AHCTF1: variants seen among roughly 807,000 people sequenced by gnomAD.
The protein encoded by AHCTF1 is protein ELYS.
In AHCTF1, 24 loss-of-function variants were observed where a neutral mutation model predicts 248.4. The observed-to-expected ratio is 0.10, with a 90% CI of 0.07 to 0.14. The LOEUF (loss-of-function observed/expected upper bound fraction) is 0.14, where lower values mean the gene tolerates loss of function less well. Ranked by LOEUF, AHCTF1 falls within the 10% of genes least tolerant of loss-of-function variation. AHCTF1 has a pLI of 1.00. For missense variants in AHCTF1, 2,206 were observed against 2,636.2 expected, an observed-to-expected ratio of 0.84 and a Z score of 3.57; for synonymous variants, 786 against 929.8, an observed-to-expected ratio of 0.85 and a Z score of 2.81.
intron 26 of AHCTF1, among the ~76,000 whole-genome samples, chr1:246,865,914 T>C (rs1309182710): frequency 6.6e-6 from 1 of 152,186 alleles, no homozygotes; most frequent in Non-Finnish European, 1.5e-5. Flanking sequence ...ATAGTGGTAT[T>C]TAAAAAATTG....
intron 16 of AHCTF1, among the ~76,000 whole-genome samples, chr1:246,890,559 G>GAA (rs1218428131): frequency 6.6e-6 from 1 of 151,970 alleles, no homozygotes; most frequent in East Asian, 1.9e-4. Context: ...CTAGATAAAA[G>GAA]GGGGTATTTA....
chr1:246,857,082 T>C (rs1382979597), intron 30 of AHCTF1, among the ~76,000 whole-genome samples: 5 of 152,192 alleles, frequency 3.3e-5, no homozygotes, highest in South Asian at 2.1e-4. Context: ...TCACTAATCA[T>C]ACTGATTAGT....
chr1:246,849,683 G>A lies in AHCTF1; in HGVS notation c.6323C>T (p.Pro2108Leu), dbSNP rs546280276. ...CTCATTGTTTGGTTCAGAAAGGTCC[G>A]GCAACAAGATGGCCTTGCTAGACCG... is the stretch of plus-strand genomic sequence containing the variant. ...RTRSSKAILL[P>L]DLSEPNNEPL... The change falls in exon 33 of 36, where the codon CCG becomes CTG. Residue 2108 changes from proline to leucine, a missense_variant. Coordinates refer to ENST00000648844, the MANE Select transcript of AHCTF1 (RefSeq NM_001323342.2). The A allele has an allele frequency of 1.7e-5, 28 of 1,613,926 alleles. No individual in the cohort carries two copies. Among genetic ancestry groups the A allele is most frequent in the Admixed American group, 3.3e-5 (2 of 60,008 alleles).
chr1:246,862,181 C>G, intron 27 of AHCTF1, 28 bp from the exon 28 acceptor site: 1 of 1,571,310 alleles, frequency 6.4e-7, no homozygotes, highest in Non-Finnish European at 8.7e-7. Flanking sequence ...TGGAATTACA[C>G]CATTAAAAGT....
chr1:246,918,569 G>A (rs922199242), intron 1 of AHCTF1, among the ~76,000 whole-genome samples, 192 bp from the exon 2 acceptor site: 11 of 152,272 alleles, frequency 7.2e-5, no homozygotes, highest in African/African-American at 2.7e-4. Flanking sequence ...GGCTGAGGCA[G>A]GCGGATGAAC....
intron 1 of AHCTF1, among the ~76,000 whole-genome samples, chr1:246,928,286 G>C (rs1026675272): frequency 7.3e-6 from 1 of 137,644 alleles, no homozygotes; most frequent in African/African-American, 2.8e-5. Flanking sequence ...CTGGGCGACA[G>C]AGCGAGACTC....
Position 246,869,167 on chromosome 1 carries a change from T to C in AHCTF1, c.3089-1356A>G, listed in dbSNP as rs1031886000. On this transcript the variant is annotated intron_variant, in intron 24 of 35. Coordinates refer to ENST00000648844, the MANE Select transcript of AHCTF1 (RefSeq NM_001323342.2). ...CGTGTGTTTTGTTTTTTTAAACAAATTGAAGGTCTGTGGCAACCCTGTGTC... is the reference window on the plus strand; with the variant it reads ...CGTGTGTTTTGTTTTTTTAAACAAACTGAAGGTCTGTGGCAACCCTGTGTC... Among the ~76,000 whole-genome samples the C allele has an allele frequency of 3.9e-5, 6 of 152,190 alleles. No individual in the cohort carries two copies. The South Asian group carries it at 8.3e-4, about 21-fold the overall frequency.
intron 20 of AHCTF1, 32 bp from the exon 21 acceptor site, chr1:246,885,712 A>G (rs1663768973): frequency 1.3e-6 from 2 of 1,556,610 alleles, no homozygotes; most frequent in Non-Finnish European, 1.7e-6. Flanking sequence ...TTAAATATAA[A>G]TATAATCCTA....
At chr1:246,926,406 T>C (rs1055068698) in intron 1 of AHCTF1, among the ~76,000 whole-genome samples, 9 of 152,346 alleles carry the variant, frequency 5.9e-5, no homozygotes, top group Admixed American at 5.9e-4. Flanking sequence ...GAGTACTTAT[T>C]TCTCCAGACT....
In AHCTF1 at chr1:246,872,454, T is replaced by C. The variant is rs115444277; in HGVS notation, c.3088+3583A>G. ...AAGACAAATGAGGTGGTCAGAGCTT[T>C]ACTCAAAGACATCATCTTGAGGTTC... On this transcript the variant is annotated intron_variant, in intron 24 of 35. Transcript: ENST00000648844. Among the ~76,000 whole-genome samples, 646 of 152,322 alleles carry C rather than the reference T, an allele frequency of 4.2e-3. 7 individuals carry two copies. The highest frequency in any genetic ancestry group is 0.015 in the African/African-American group (627 of 41,564).
intron 1 of AHCTF1, among the ~76,000 whole-genome samples, chr1:246,930,598 A>AAAG (rs1553308027): frequency 3.4e-5 from 5 of 148,610 alleles, no homozygotes; most frequent in Non-Finnish European, 4.4e-5. Flanking sequence ...AAAAAAAAAA[A>AAAG]GGGGGGGTCT....
chr1:246,906,626 A>G (rs1234422816), intron 5 of AHCTF1, among the ~76,000 whole-genome samples: 1 of 152,162 alleles, frequency 6.6e-6, no homozygotes, highest in East Asian at 1.9e-4. Flanking sequence ...ATAACAGCAA[A>G]GAGAGTTGAG....
intron 2 of AHCTF1, 98 bp from the exon 3 acceptor site, chr1:246,916,493 A>G: frequency 2.8e-6 from 3 of 1,057,032 alleles, no homozygotes; most frequent in East Asian, 2.5e-5. Context: ...TCATTACATA[A>G]AACTTTACAT....
At chr1:246,913,175 TA>T (rs1188173198) in intron 4 of AHCTF1, 56 bp downstream of exon 4, 31 of 1,432,630 alleles carry the variant, frequency 2.2e-5, no homozygotes, top group Admixed American at 1.2e-4. Context: ...CTTTAAAAAA[TA>T]TTGCATCAGA....
chr1:246,887,471 T>C (rs1477848319), intron 19 of AHCTF1, 114 bp from the exon 20 acceptor site: 40 of 1,075,718 alleles, frequency 3.7e-5, no homozygotes, highest in Non-Finnish European at 4.4e-5. Flanking sequence ...AATGCCTGTT[T>C]TTAGTGTTTA....
At chr1:246,876,291 TC>T (rs1228407163) in intron 23 of AHCTF1, 104 bp from the exon 24 acceptor site, 2 of 1,009,080 alleles carry the variant, frequency 2.0e-6, no homozygotes, top group Non-Finnish European at 2.7e-6. Context: ...CAAAAAATCT[TC>T]CCCCTACCTA....
chr1:246,889,289 T>C (rs1208921431), intron 17 of AHCTF1, among the ~76,000 whole-genome samples: 1 of 152,176 alleles, frequency 6.6e-6, no homozygotes, highest in Non-Finnish European at 1.5e-5. Context: ...TTTCCCCTGA[T>C]TTCCTTTTCT....
At chr1:246,898,613 C>T (rs866783756) in intron 11 of AHCTF1, among the ~76,000 whole-genome samples, 34 of 142,154 alleles carry the variant, frequency 2.4e-4, no homozygotes, top group African/African-American at 9.2e-4. Context: ...TTGGTGACAT[C>T]TTGACAAAAC....
chr1:246,890,561 G>A (rs889443885), intron 16 of AHCTF1, among the ~76,000 whole-genome samples: 1 of 151,826 alleles, frequency 6.6e-6, no homozygotes, highest in East Asian at 1.9e-4. Flanking sequence ...AGATAAAAGG[G>A]GGTATTTAAT....
Sources: gnomAD v4.1 joint callset for allele counts (sites outside exome capture counted in the v4.1 genomes callset) on GRCh38, gnomAD v4.1.1 for gene constraint, MANE v1.5 for transcripts, NCBI Gene and HGNC (gene_info 2026-07-23, HGNC 2026-07-21) for gene names.